SORCS2: variants seen among roughly 807,000 people sequenced by gnomAD.
SORCS2 encodes the protein sortilin related VPS10 domain containing receptor 2.
Under a neutral mutation model 141.6 loss-of-function variants are expected in SORCS2, and 100 were observed. The ratio of observed to expected loss-of-function variants is 0.71; its 90% confidence interval spans 0.60 to 0.83. SORCS2 has a LOEUF of 0.83. Among genes scored for constraint, SORCS2 ranks in the 40% least tolerant of loss-of-function variants. The pLI, the probability that SORCS2 is intolerant of heterozygous loss-of-function variation, is 0.00. For missense variants in SORCS2, 1,646 were observed against 1,560.2 expected, an observed-to-expected ratio of 1.05 and a Z score of -0.93; for synonymous variants, 789 against 676.9, an observed-to-expected ratio of 1.17 and a Z score of -2.57.
chr4:7,711,413 T>C (rs990227243), intron 14 of SORCS2, among the ~76,000 whole-genome samples: 1 of 152,128 alleles, frequency 6.6e-6, no homozygotes, highest in Non-Finnish European at 1.5e-5. Context: ...CCATCCCCAG[T>C]TGGGGGTGCT....
chr4:7,653,284 C>A (rs1721553136), intron 4 of SORCS2, among the ~76,000 whole-genome samples: 1 of 152,184 alleles, frequency 6.6e-6, no homozygotes, highest in Non-Finnish European at 1.5e-5. Flanking sequence ...GCTCTTGTTG[C>A]TAGGGCTGGA....
At chr4:7,487,115 C>T (rs1034463137) in intron 2 of SORCS2, among the ~76,000 whole-genome samples, 1 of 152,178 alleles carries the variant, frequency 6.6e-6, no homozygotes, top group South Asian at 2.1e-4. Flanking sequence ...CCCACCCTCC[C>T]GGGTGGTAAC....
chr4:7,715,062 G>A, intron 16 of SORCS2, 121 bp from the exon 17 acceptor site: 1 of 1,362,580 alleles, frequency 7.3e-7, no homozygotes, highest in Non-Finnish European at 1.0e-6. Flanking sequence ...TCACAGATGG[G>A]TGCATAGCAG....
At chr4:7,651,343 T>C (rs1721432783) in intron 4 of SORCS2, among the ~76,000 whole-genome samples, 1 of 152,184 alleles carries the variant, frequency 6.6e-6, no homozygotes, top group South Asian at 2.1e-4. Flanking sequence ...TGGGGAAAAC[T>C]GAGGCCTGCC....
At chr4:7,253,349 C>T (rs1387340836) in intron 1 of SORCS2, among the ~76,000 whole-genome samples, 2 of 152,248 alleles carry the variant, frequency 1.3e-5, no homozygotes, top group Non-Finnish European at 2.9e-5. Context: ...CCCTGTGTCC[C>T]TGCCTGCCTC....
Position 7,350,465 on chromosome 4 carries a change from T to C in SORCS2, c.481-45823T>C, listed in dbSNP as rs568114642. 7.9e-5 allele frequency among the ~76,000 whole-genome samples: 12 copies of C among 152,358 alleles called. No homozygotes were observed. The South Asian group carries it at 1.2e-3, about 16-fold the overall frequency. ...TGCCCTGCTTAGGAATTTTGACCTT[T>C]GATGTCCAAAATCCTGCTAGATGGG... On this transcript the variant is annotated intron_variant, in intron 1 of 26. Transcript: ENST00000507866.
At chr4:7,332,270 C>T (rs1719699329) in intron 1 of SORCS2, among the ~76,000 whole-genome samples, 1 of 152,202 alleles carries the variant, frequency 6.6e-6, no homozygotes, top group African/African-American at 2.4e-5. Flanking sequence ...TGGTTTGCCA[C>T]ATGCAGGCAA....
At chr4:7,727,557 G>A (rs1412264739) in intron 21 of SORCS2, among the ~76,000 whole-genome samples, 1 of 152,196 alleles carries the variant, frequency 6.6e-6, no homozygotes, top group Non-Finnish European at 1.5e-5. Flanking sequence ...TTGGACAAGT[G>A]TGCGGAGGGT....
At chr4:7,275,570 C>A (rs1297525042) in intron 1 of SORCS2, among the ~76,000 whole-genome samples, 1 of 152,176 alleles carries the variant, frequency 6.6e-6, no homozygotes, top group Non-Finnish European at 1.5e-5. Flanking sequence ...GTTTGCAGAT[C>A]TCCTTTCCTT....
intron 1 of SORCS2, among the ~76,000 whole-genome samples, chr4:7,213,456 A>G (rs1291135534): frequency 6.6e-6 from 1 of 152,076 alleles, no homozygotes; most frequent in Non-Finnish European, 1.5e-5. Context: ...CAGACAGCAA[A>G]TGGTGCAGAC....
chr4:7,611,963 GCCC>G (rs1260210807), intron 3 of SORCS2, among the ~76,000 whole-genome samples: 1 of 152,244 alleles, frequency 6.6e-6, no homozygotes, highest in Non-Finnish European at 1.5e-5. Context: ...GGAAGGATCG[GCCC>G]CATGCCCAGC....
intron 1 of SORCS2, among the ~76,000 whole-genome samples, chr4:7,356,788 A>G (rs907731408): frequency 5.9e-5 from 9 of 152,168 alleles, no homozygotes; most frequent in African/African-American, 1.9e-4. Flanking sequence ...GGCACCTGGC[A>G]CCTAGTGACT....
At chr4:7,288,293 G>A (rs989506526) in intron 1 of SORCS2, among the ~76,000 whole-genome samples, 4 of 152,080 alleles carry the variant, frequency 2.6e-5, no homozygotes, top group African/African-American at 7.2e-5. Context: ...TTGCTGAGAC[G>A]TGGGGGCCCC....
chr4:7,452,546 G>A (rs1007572905), intron 2 of SORCS2, among the ~76,000 whole-genome samples: 3 of 152,152 alleles, frequency 2.0e-5, no homozygotes, highest in Non-Finnish European at 4.4e-5. Context: ...CAGTTTTCCG[G>A]GAGCCCTGCC....
At chr4:7,266,134 G>A (rs1714711085) in intron 1 of SORCS2, among the ~76,000 whole-genome samples, 1 of 152,160 alleles carries the variant, frequency 6.6e-6, no homozygotes, top group South Asian at 2.1e-4. Context: ...AGAGCTGAGG[G>A]ACCCTTTTCT....
chr4:7,250,834 C>G (rs1310318397), intron 1 of SORCS2, among the ~76,000 whole-genome samples: 1 of 152,286 alleles, frequency 6.6e-6, no homozygotes, highest in Non-Finnish European at 1.5e-5. Context: ...AGGAGAAACC[C>G]AGGCTTTCGC....
chr4:7,711,740 C>G (rs1330981140), intron 14 of SORCS2, among the ~76,000 whole-genome samples: 2 of 152,232 alleles, frequency 1.3e-5, no homozygotes, highest in African/African-American at 4.8e-5. Context: ...TGACCTTGGG[C>G]AAGTTACTCA....
intron 2 of SORCS2, among the ~76,000 whole-genome samples, chr4:7,521,105 C>T (rs1250041960): frequency 6.6e-6 from 1 of 152,186 alleles, no homozygotes; most frequent in African/African-American, 2.4e-5. Flanking sequence ...AAGGTGTCCT[C>T]CTGTTCTGAA....
Position 7,649,604 on chromosome 4 carries a change from A to G in SORCS2, c.814-4530A>G, listed in dbSNP as rs1052553484. Among the ~76,000 whole-genome samples, 8 of 152,186 alleles carry G rather than the reference A, an allele frequency of 5.3e-5. No homozygotes were observed. The East Asian group carries it at 1.4e-3, about 26-fold the overall frequency. ...GTGGTGACTTATTAGACATGGCAGC[A>G]GGAAGGTGAGGACAGGAACCCAGGG... On this transcript the variant is annotated intron_variant, in intron 4 of 26. Transcript: ENST00000507866.
Sources: gnomAD v4.1 joint callset for allele counts (sites outside exome capture counted in the v4.1 genomes callset) on GRCh38, gnomAD v4.1.1 for gene constraint, MANE v1.5 for transcripts, NCBI Gene and HGNC (gene_info 2026-07-23, HGNC 2026-07-21) for gene names.